Variants in GRK3 observed in about 807,000 individuals in gnomAD.
GRK3 encodes G protein-coupled receptor kinase 3.
GRK3 carries 54 observed loss-of-function variants against 95.7 expected under a neutral mutation model. The observed-to-expected ratio is 0.56, with a 90% CI of 0.45 to 0.71. The LOEUF is 0.71. GRK3 is among the 30% of genes least tolerant of loss of function. The probability of loss-of-function intolerance (pLI) is 0.00; values close to 1 mark genes in which losing one functional copy is unlikely to be tolerated. For missense variants in GRK3, 649 were observed against 851.2 expected, an observed-to-expected ratio of 0.76 and a Z score of 2.96; for synonymous variants, 281 against 290.8, an observed-to-expected ratio of 0.97 and a Z score of 0.34.
intron 2 of GRK3, among the ~76,000 whole-genome samples, chr22:25,608,329 A>G (rs1225777850): frequency 1.3e-5 from 2 of 152,148 alleles, no homozygotes; most frequent in African/African-American, 4.8e-5. Flanking sequence ...CAATGGGAGG[A>G]TATTTAGTTG....
At chr22:25,698,134 AGAGG>A (rs1187169290) in intron 13 of GRK3, among the ~76,000 whole-genome samples, 4 of 137,074 alleles carry the variant, frequency 2.9e-5, no homozygotes, top group Admixed American at 1.5e-4. Flanking sequence ...AGGAGGAAGG[AGAGG>A]GAGGAAGGAA....
intron 2 of GRK3, among the ~76,000 whole-genome samples, chr22:25,627,509 T>TA (rs1405869557): frequency 5.3e-5 from 8 of 152,358 alleles, no homozygotes; most frequent in Non-Finnish European, 8.8e-5. Context: ...CTCCTGACTC[T>TA]ATAGCCCGTT....
chr22:25,619,715 C>T (rs182742062), intron 2 of GRK3, among the ~76,000 whole-genome samples: 1 of 132,134 alleles, frequency 7.6e-6, no homozygotes, highest in East Asian at 2.4e-4. Flanking sequence ...TGGTTTCGAA[C>T]TCCTGGCTTC....
intron 12 of GRK3, among the ~76,000 whole-genome samples, chr22:25,693,509 G>C (rs892719302): frequency 2.0e-5 from 3 of 152,164 alleles, no homozygotes; most frequent in Non-Finnish European, 4.4e-5. Flanking sequence ...TGGCTTGGAT[G>C]TCCCTCATAG....
chr22:25,591,281 A>G (rs1382913757), intron 1 of GRK3, among the ~76,000 whole-genome samples: 1 of 152,220 alleles, frequency 6.6e-6, no homozygotes, highest in Non-Finnish European at 1.5e-5. Context: ...AGGGTCTTGC[A>G]GGGAGGGGTA....
At chr22:25,673,931 T>A (rs1215175060) in intron 7 of GRK3, among the ~76,000 whole-genome samples, 1 of 151,972 alleles carries the variant, frequency 6.6e-6, no homozygotes, top group East Asian at 1.9e-4. Flanking sequence ...CAATAACAAA[T>A]TCACATGGCC....
chr22:25,708,500 C>T lies in GRK3; in HGVS notation c.1329-1398C>T, dbSNP rs111364800. 4.1e-3 allele frequency among the ~76,000 whole-genome samples: 621 copies of T among 152,170 alleles called. 6 individuals are homozygous for T. The highest frequency in any genetic ancestry group is 0.014 in the African/African-American group (598 of 41,520). ...TACAGATTTAGGAGTCCTATAAGGG[C>T]ACTCAAGCTCTGGGCTGGGCGAGAT... On this transcript the variant is annotated intron_variant, in intron 15 of 20. Transcript: ENST00000324198.
intron 1 of GRK3, among the ~76,000 whole-genome samples, chr22:25,575,521 A>C (rs1296318374): frequency 2.0e-5 from 3 of 152,126 alleles, no homozygotes; most frequent in African/African-American, 7.3e-5. Flanking sequence ...TATAAAGGTT[A>C]GCTCATTAAA....
intron 1 of GRK3, among the ~76,000 whole-genome samples, chr22:25,591,155 C>T (rs141102370): frequency 0.014 from 2,167 of 152,286 alleles, 50 homozygotes; most frequent in African/African-American, 0.048. Context: ...CCATCCTCTC[C>T]GGTGTGCTGT....
chr22:25,625,631 G>C (rs1315719414), intron 2 of GRK3, among the ~76,000 whole-genome samples: 2 of 152,148 alleles, frequency 1.3e-5, no homozygotes, highest in Non-Finnish European at 2.9e-5. Context: ...CATCAGTCAG[G>C]CTCGCCCACA....
chr22:25,603,941 A>G (rs2084426282), intron 1 of GRK3, among the ~76,000 whole-genome samples: 1 of 152,216 alleles, frequency 6.6e-6, no homozygotes, highest in Admixed American at 6.5e-5. Context: ...AAAAATATTA[A>G]TATATCTAGG....
At chr22:25,569,656 C>A (rs536312399) in intron 1 of GRK3, among the ~76,000 whole-genome samples, 1 of 152,302 alleles carries the variant, frequency 6.6e-6, no homozygotes, top group African/African-American at 2.4e-5. Context: ...GGCTGGCCAG[C>A]AAAGCAGTGA....
chr22:25,627,616 G>A (rs2084637141), intron 2 of GRK3, among the ~76,000 whole-genome samples: 1 of 152,110 alleles, frequency 6.6e-6, no homozygotes, highest in Non-Finnish European at 1.5e-5. Context: ...TTTATCCAAC[G>A]TTCATTGAGC....
At chr22:25,615,402 A>T (rs979429289) in intron 2 of GRK3, among the ~76,000 whole-genome samples, 19 of 152,218 alleles carry the variant, frequency 1.2e-4, no homozygotes, top group African/African-American at 4.1e-4. Context: ...TTTGAAATTC[A>T]AGGTGGTGCT....
At chr22:25,650,528 A>G (rs1486544167) in intron 3 of GRK3, among the ~76,000 whole-genome samples, 1 of 152,210 alleles carries the variant, frequency 6.6e-6, no homozygotes, top group African/African-American at 2.4e-5. Context: ...AGGGACTTGA[A>G]TGCACTTTTG....
chr22:25,687,890 A>G lies in GRK3; in HGVS notation c.957+223A>G, dbSNP rs117898103. On this transcript the variant is annotated intron_variant, in intron 11 of 20. Coordinates refer to ENST00000324198, the MANE Select transcript of GRK3 (RefSeq NM_005160.4). ...TTATTATAACCCTGGTGCCTACTAC[A>G]GTGCCTGCTGCAGCACGTATACTAA... Among the ~76,000 whole-genome samples the G allele has an allele frequency of 1.6e-3, 238 of 152,294 alleles. 6 individuals carry two copies. In the East Asian group the frequency reaches 0.033, roughly 21 times the overall value.
chr22:25,699,320 T>G (rs528831333), intron 13 of GRK3, among the ~76,000 whole-genome samples: 10 of 151,998 alleles, frequency 6.6e-5, no homozygotes, highest in Admixed American at 2.0e-4. Flanking sequence ...AGGAGGAGAT[T>G]GACTAGGCAG....
At chr22:25,658,594 A>G (rs1189508400) in intron 3 of GRK3, among the ~76,000 whole-genome samples, 2 of 151,410 alleles carry the variant, frequency 1.3e-5, no homozygotes, top group Non-Finnish European at 2.9e-5. Context: ...TCCTTTGGTC[A>G]CTCTTCAGTG....
chr22:25,690,145 G>A (rs376112823), intron 11 of GRK3, 44 bp from the exon 12 acceptor site: 39 of 1,463,386 alleles, frequency 2.7e-5, no homozygotes, highest in Middle Eastern at 1.7e-4. Context: ...AGCCTGCATG[G>A]CATTTGGGGC....
Sources: allele counts gnomAD v4.1 joint callset (sites outside exome capture counted in the v4.1 genomes callset), GRCh38; gene constraint gnomAD v4.1.1; transcripts MANE v1.5; gene names NCBI Gene and HGNC (gene_info 2026-07-23, HGNC 2026-07-21).